RANBP2: variants seen among roughly 807,000 people sequenced by gnomAD.
RANBP2 encodes the protein RAN binding protein 2, also known as E3 SUMO-protein ligase RanBP2.
Under a neutral mutation model 303.6 loss-of-function variants are expected in RANBP2, and 57 were observed. The ratio of observed to expected loss-of-function variants is 0.19; its 90% CI spans 0.15 to 0.23. The LOEUF (loss-of-function observed/expected upper bound fraction) is 0.23. Ranked by LOEUF, RANBP2 falls within the 10% of genes least tolerant of loss-of-function variation. The probability of loss-of-function intolerance (pLI) is 1.00; values close to 1 mark genes in which losing one functional copy is unlikely to be tolerated. For missense variants in RANBP2, 3,138 were observed against 3,780.8 expected (o/e 0.83, Z 4.46); for synonymous variants, 1,167 against 1,301.5 (o/e 0.90, Z 2.23).
chr2:109,239,493 A>G, the RANBP2 span, among the ~76,000 whole-genome samples: 7 of 152,168 alleles, frequency 4.6e-5, no homozygotes, highest in African/African-American at 1.7e-4. Context: ...ACGGACTACA[A>G]TATTCTGAAG....
At chr2:108,781,080 G>C (rs1331249137) in intron 25 of RANBP2, among the ~76,000 whole-genome samples, 189 bp from the exon 26 acceptor site, 1 of 152,034 alleles carries the variant, frequency 6.6e-6, no homozygotes, top group Non-Finnish European at 1.5e-5. Flanking sequence ...CCTGACCTCA[G>C]GTGACCTCGG....
chr2:109,702,645 C>T, the RANBP2 span, among the ~76,000 whole-genome samples: 1 of 152,134 alleles, frequency 6.6e-6, no homozygotes. Context: ...TGGAGCGTTC[C>T]TTCTATTCTG....
chr2:108,789,592 A>C (rs1230098339), downstream of RANBP2, among the ~76,000 whole-genome samples: 1 of 152,176 alleles, frequency 6.6e-6, no homozygotes, highest in African/African-American at 2.4e-5. Context: ...AACTGTCCTG[A>C]AGAAAGAAAA....
rs763556894 is a variant in RANBP2 at position 108,751,455 on chromosome 2, G to A, written c.1455+10G>A. On this transcript the variant is annotated intron_variant, in intron 10 of 28. Transcript: ENST00000283195. ...TATTTTAGATCTTGAAGTAAGCAAA[G>A]ATTTTAACAAATTAAATATTCTGAA... The A allele has an allele frequency of 1.9e-6, 3 of 1,611,694 alleles. No individual in the cohort carries two copies. Among genetic ancestry groups the A allele is most frequent in the Non-Finnish European group, 2.5e-6 (3 of 1,179,830 alleles).
chr2:109,122,461 G>T, the RANBP2 span, among the ~76,000 whole-genome samples: 1 of 152,348 alleles, frequency 6.6e-6, no homozygotes, highest in East Asian at 1.9e-4. Context: ...CTGGTGTTTG[G>T]AGCCTGTGCA....
At chr2:109,449,173 C>G in the RANBP2 span, 3 of 1,613,150 alleles carry the variant, frequency 1.9e-6, no homozygotes, top group African/African-American at 4.0e-5. Flanking sequence ...TCTCCAGCTG[C>G]CCACTCTGCA....
rs748621930 is a variant in RANBP2 at position 108,758,519 on chromosome 2, C to T, written c.2573C>T (p.Ser858Leu). The change falls in exon 18 of 29, where the codon TCA (serine) becomes TTA (leucine). Residue 858 changes from serine (S) to leucine (L), a missense_variant. Around this residue, in one of 20 missense-constraint regions of RANBP2, gnomAD observed 26 missense variants for 58.0 expected, o/e 0.45. Coordinates refer to ENST00000283195, the MANE Select transcript of RANBP2 (RefSeq NM_006267.5). ...TCAGTGCCTGATGGATATCAGGGGT[C>T]ACAGACATTTCATGGGGCTCCACTA... Reference protein sequence around the residue: ...PDSVPDGYQGSQTFHGAPLTV... With the variant: ...PDSVPDGYQGLQTFHGAPLTV... 7 of 1,610,954 alleles carry T rather than the reference C, an allele frequency of 4.3e-6. No homozygotes were observed. In the South Asian group the frequency reaches 7.7e-5, roughly 18 times the overall value.
chr2:109,570,826 T>A, the RANBP2 span, among the ~76,000 whole-genome samples: 1 of 152,134 alleles, frequency 6.6e-6, no homozygotes, highest in African/African-American at 2.4e-5. Flanking sequence ...CCGGCCTGTA[T>A]TAGGTATTAT....
At chr2:109,671,578 C>T in the RANBP2 span, among the ~76,000 whole-genome samples, 4 of 152,206 alleles carry the variant, frequency 2.6e-5, no homozygotes, top group Non-Finnish European at 5.9e-5. Context: ...TGCCCTCCTC[C>T]TGCTGGTGCC....
the RANBP2 span, among the ~76,000 whole-genome samples, chr2:109,704,087 G>T: frequency 1.3e-5 from 2 of 152,142 alleles, no homozygotes; most frequent in East Asian, 1.9e-4. Context: ...TGGCCCTGGG[G>T]TTGAAACTTG....
the RANBP2 span, among the ~76,000 whole-genome samples, chr2:108,932,041 G>A: frequency 2.6e-5 from 4 of 152,124 alleles, no homozygotes; most frequent in South Asian, 2.1e-4. Flanking sequence ...GAATTCTCTC[G>A]TCCTTAGCAA....
the RANBP2 span, among the ~76,000 whole-genome samples, chr2:108,964,681 G>A: frequency 3.9e-4 from 60 of 152,184 alleles, no homozygotes; most frequent in African/African-American, 2.4e-4. Flanking sequence ...TGCTGAAGGC[G>A]TGTCCACAGG....
At chr2:109,457,018 C>A in the RANBP2 span, among the ~76,000 whole-genome samples, 1 of 152,164 alleles carries the variant, frequency 6.6e-6, no homozygotes, top group Non-Finnish European at 1.5e-5. Flanking sequence ...CTGGGGTCGG[C>A]TGCCTAGTGT....
chr2:109,093,406 T>TAAAAA, the RANBP2 span, among the ~76,000 whole-genome samples: 3 of 90,662 alleles, frequency 3.3e-5, no homozygotes, highest in African/African-American at 9.0e-5. Flanking sequence ...CGGAGATTTG[T>TAAAAA]AAAAAAAAAA....
the RANBP2 span, among the ~76,000 whole-genome samples, chr2:109,607,011 C>G: frequency 3.9e-5 from 6 of 152,286 alleles, 1 homozygote; most frequent in African/African-American, 1.4e-4. Flanking sequence ...TTTTAAGTTT[C>G]AGCATATAAA....
chr2:108,842,234 T>A, the RANBP2 span, among the ~76,000 whole-genome samples: 1 of 151,902 alleles, frequency 6.6e-6, no homozygotes, highest in Admixed American at 6.6e-5. Context: ...AGGCATTGTC[T>A]TGCTTTGTTG....
the RANBP2 span, among the ~76,000 whole-genome samples, chr2:109,608,109 A>G: frequency 6.6e-6 from 1 of 152,242 alleles, no homozygotes; most frequent in Non-Finnish European, 1.5e-5. Context: ...AAGGTCTTTT[A>G]TAACAAAAGC....
At chr2:109,034,455 G>A in the RANBP2 span, among the ~76,000 whole-genome samples, 4 of 152,124 alleles carry the variant, frequency 2.6e-5, no homozygotes, top group African/African-American at 7.2e-5. Flanking sequence ...AGTGAGGAAC[G>A]TGGAGTATTG....
the RANBP2 span, among the ~76,000 whole-genome samples, chr2:109,252,100 T>C: frequency 7.3e-6 from 1 of 136,462 alleles, no homozygotes; most frequent in East Asian, 2.3e-4. Flanking sequence ...TACAAATAGC[T>C]GAGTGGGGTG....
Sources: gnomAD v4.1 joint callset for allele counts (sites outside exome capture counted in the v4.1 genomes callset) on GRCh38, gnomAD v4.1.1 for gene constraint, gnomAD v4.1.1 regional missense constraint, MANE v1.5 for transcripts, NCBI Gene and HGNC (gene_info 2026-07-23, HGNC 2026-07-21) for gene names.